HSPA14: variants seen among roughly 807,000 people sequenced by gnomAD.
HSPA14 encodes heat shock 70 kDa protein 14.
In HSPA14, 37 loss-of-function variants were observed where a neutral mutation model predicts 65.5. The observed-to-expected ratio is 0.56, with a 90% CI of 0.43 to 0.74. The LOEUF (loss-of-function observed/expected upper bound fraction) is 0.74, where lower values mean the gene tolerates loss of function less well. Ranked by LOEUF, HSPA14 falls within the 30% of genes least tolerant of loss-of-function variation. The pLI is 0.00. For missense variants in HSPA14, 564 were observed against 607.6 expected (o/e 0.93, Z 0.75); for synonymous variants, 203 against 214.2 (o/e 0.95, Z 0.46).
At chr10:14,864,957 A>G (rs1302981035) in intron 10 of HSPA14, among the ~76,000 whole-genome samples, 2 of 151,928 alleles carry the variant, frequency 1.3e-5, no homozygotes, top group African/African-American at 4.8e-5. Context: ...AAGTGTTCCT[A>G]TTTCTCCACA....
At chr10:14,865,343 A>C (rs1199773921) in intron 10 of HSPA14, among the ~76,000 whole-genome samples, 4 of 151,126 alleles carry the variant, frequency 2.6e-5, no homozygotes, top group East Asian at 3.9e-4. Context: ...CCCATTTGTC[A>C]ATTTTGGCTT....
intron 10 of HSPA14, among the ~76,000 whole-genome samples, chr10:14,856,860 CAAATA>C (rs1832704631): frequency 6.6e-6 from 1 of 151,692 alleles, no homozygotes; most frequent in Admixed American, 6.6e-5. Flanking sequence ...CCCCATCTCA[CAAATA>C]AAATAAAAAT....
chr10:14,849,859 A>G, intron 6 of HSPA14, 48 bp downstream of exon 6: 1 of 1,111,498 alleles, frequency 9.0e-7, no homozygotes, highest in Non-Finnish European at 1.4e-6. Context: ...GGAAGTACAA[A>G]GTCACTATAT....
At chr10:14,843,892 T>G (rs1834009713) in intron 3 of HSPA14, 1 of 1,536,202 alleles carries the variant, frequency 6.5e-7, no homozygotes, top group Admixed American at 2.0e-5. Flanking sequence ...TACCAAAAGC[T>G]AGGAACCAAT....
chr10:14,842,790 A>G lies in HSPA14; in HGVS notation c.221+2633A>G. 6.5e-7 allele frequency: 1 copy of G among 1,536,388 alleles called. No homozygotes were observed. Among genetic ancestry groups the G allele is most frequent in the Non-Finnish European group, 8.7e-7 (1 of 1,146,970 alleles). On this transcript the variant is annotated intron_variant, in intron 3 of 13. Coordinates refer to ENST00000378372, the MANE Select transcript of HSPA14 (RefSeq NM_016299.4). This position sits in a 1 kb window ranked among gnomAD's most constrained non-coding sequence, Gnocchi z 5.2. ...GAGGATTGTCAGCTAAGAATCAGTG[A>G]CCGGATACGAGAAACCAGTGACCTT... is the stretch of plus-strand genomic sequence containing the variant.
In HSPA14 at chr10:14,852,557, C is replaced by T. The variant is rs201522766; in HGVS notation, c.734+26C>T. 2.2e-4 allele frequency: 328 copies of T among 1,517,398 alleles called. 1 individual carries two copies. The Middle Eastern group carries it at 2.6e-3, about 12-fold the overall frequency. 94.0% of individuals were successfully genotyped at this position (1,517,398 alleles called of 1,614,324 possible). ...GTGAGTGTTAATGGCCTGAATAATA[C>T]CTTCTGATTGAGGTTTTCCTTCACA... On this transcript the variant is annotated intron_variant, in intron 8 of 13. Transcript: ENST00000378372.
rs1313776058 is a variant in HSPA14 at position 14,870,626 on chromosome 10, A to G, written c.1410A>G (p.Glu470=). Residue 470 remains glutamate, a synonymous_variant, in exon 13 of 14, where the codon GAA becomes GAG. Transcript: ENST00000378372. The stretch of plus-strand genomic sequence containing the variant: ...TACTCCAGGATTTAGATAAAAAAGA[A>G]AATGGATTACGTGATATATTAGCTG... ...QVVLQDLDKK[E]NGLRDILAVL... 11 of 1,584,472 alleles carry G rather than the reference A, an allele frequency of 6.9e-6. No individual in the cohort carries two copies. Among genetic ancestry groups the G allele is most frequent in the Non-Finnish European group, 9.5e-6 (11 of 1,159,366 alleles).
At chr10:14,864,648 A>G (rs1381320364) in intron 10 of HSPA14, among the ~76,000 whole-genome samples, 1 of 152,236 alleles carries the variant, frequency 6.6e-6, no homozygotes, top group Non-Finnish European at 1.5e-5. Flanking sequence ...TACAAAGGAC[A>G]TGAACTCGTC....
intron 3 of HSPA14, chr10:14,843,477 G>A (rs1448918440): frequency 6.4e-7 from 1 of 1,550,598 alleles, no homozygotes. Flanking sequence ...TGTCCGGGGA[G>A]CCCAGCCCCT....
At chr10:14,871,409 C>T (rs1832853514) in intron 13 of HSPA14, 119 bp from the exon 14 acceptor site, 1 of 642,806 alleles carries the variant, frequency 1.6e-6, no homozygotes. Context: ...CATTAATACC[C>T]TTCTTTTGAA....
chr10:14,871,587 C>G lies in HSPA14; in HGVS notation c.1511C>G (p.Ser504Cys), dbSNP rs1351757445. Residue 504 changes from serine (S) to cysteine (C), a missense_variant, in exon 14 of 14, where the codon TCT (serine) becomes TGT (cysteine). Transcript: ENST00000378372. ...DQETGKCEAI[S>C]IEIAS Reference sequence around the variant, plus strand: ...GAAACTGGAAAATGTGAAGCAATCTCTATTGAGATAGCATCTTAGTGTTTT... The same window carrying G: ...GAAACTGGAAAATGTGAAGCAATCTGTATTGAGATAGCATCTTAGTGTTTT... 6.3e-7 allele frequency: 1 copy of G among 1,580,070 alleles called. No homozygotes were observed. Among genetic ancestry groups the G allele is most frequent in the Non-Finnish European group, 8.7e-7 (1 of 1,154,612 alleles).
At chr10:14,864,102 C>T (rs373031349) in intron 10 of HSPA14, among the ~76,000 whole-genome samples, 20 of 151,930 alleles carry the variant, frequency 1.3e-4, no homozygotes, top group East Asian at 9.7e-4. Context: ...CCTGTAGTCC[C>T]AGCTACTCGG....
intron 3 of HSPA14, chr10:14,844,397 A>C: frequency 1.0e-6 from 1 of 994,470 alleles, no homozygotes; most frequent in Non-Finnish European, 1.2e-6. Flanking sequence ...CTGTGACTTC[A>C]TTGCTTGAAT....
chr10:14,845,562 C>T, intron 3 of HSPA14: 2 of 977,440 alleles, frequency 2.0e-6, no homozygotes, highest in Non-Finnish European at 2.4e-6. Flanking sequence ...CAGTTTGTTT[C>T]ATCAGACAAA....
In HSPA14 at chr10:14,845,910, AT is replaced by A. The variant is rs922965859; in HGVS notation, c.222-2689del. ...CTCCGGATTGAGGGATTTGTATTAG[AT>A]TTTTTTTTTCCTAGTACCTTCCAGC... On this transcript the variant is annotated intron_variant, in intron 3 of 13. Transcript: ENST00000378372. 2,855 of 559,524 alleles carry A rather than the reference AT, an allele frequency of 5.1e-3. 8 individuals are homozygous for A. Among genetic ancestry groups the A allele is most frequent in the Middle Eastern group, 8.9e-3 (9 of 1,016 alleles). The allele number at this position is 559,524 out of a possible 1,614,324, so 34.7% of individuals were successfully genotyped here.
chr10:14,840,174 T>C lies in HSPA14; in HGVS notation c.221+17T>C. The C allele has an allele frequency of 8.4e-7, 1 of 1,192,414 alleles. No homozygotes were observed. The highest frequency in any genetic ancestry group is 1.2e-6 in the Non-Finnish European group (1 of 863,790). 73.9% of individuals were successfully genotyped at this position (1,192,414 alleles called of 1,614,324 possible). On this transcript the variant is annotated intron_variant, in intron 3 of 13. Coordinates refer to ENST00000378372, the MANE Select transcript of HSPA14 (RefSeq NM_016299.4). ...GGGCAGAAGGTATGGAATCAAATGATACTTTTAAATATGGTAATAGGAACA... is the reference window on the plus strand; with the variant it reads ...GGGCAGAAGGTATGGAATCAAATGACACTTTTAAATATGGTAATAGGAACA...
At chr10:14,859,375 C>G (rs556631928) in intron 10 of HSPA14, among the ~76,000 whole-genome samples, 1 of 152,332 alleles carries the variant, frequency 6.6e-6, no homozygotes, top group South Asian at 2.1e-4. Flanking sequence ...ACCACCCTGC[C>G]TCTTTTCGGC....
intron 9 of HSPA14, among the ~76,000 whole-genome samples, chr10:14,854,736 T>C (rs1168954928): frequency 1.3e-5 from 2 of 152,228 alleles, no homozygotes; most frequent in African/African-American, 2.4e-5. Flanking sequence ...TCTCTTTTCA[T>C]CTGTTTAGTT....
At chr10:14,866,278 G>C (rs147486881) in intron 10 of HSPA14, among the ~76,000 whole-genome samples, 5 of 152,206 alleles carry the variant, frequency 3.3e-5, no homozygotes, top group African/African-American at 9.6e-5. Context: ...CCTCATGCTC[G>C]TACCTGGAGA....
Sources: allele counts gnomAD v4.1 joint callset (sites outside exome capture counted in the v4.1 genomes callset), GRCh38; gene constraint gnomAD v4.1.1; non-coding constraint Gnocchi (gnomAD v3.1); transcripts MANE v1.5; gene names NCBI Gene and HGNC (gene_info 2026-07-23, HGNC 2026-07-21).